The following ATR variants were observed in gnomAD, a reference collection of about 807,000 sequenced individuals.
The protein encoded by ATR is serine/threonine-protein kinase ATR.
Under a neutral mutation model 305.3 loss-of-function variants are expected in ATR, and 142 were observed. The ratio of observed to expected loss-of-function variants is 0.47; its 90% CI spans 0.41 to 0.53. The LOEUF is 0.53. Ranked by LOEUF, ATR falls within the 20% of genes least tolerant of loss-of-function variation. The probability of loss-of-function intolerance (pLI) is 0.00; values close to 1 mark genes in which losing one functional copy is unlikely to be tolerated. For synonymous variants in ATR, 1,050 were observed against 1,068.1 expected (o/e 0.98, Z 0.33); for missense variants, 2,135 against 3,133.1 (o/e 0.68, Z 7.60).
At position 142,562,395 on chromosome 3, in the gene ATR, C is replaced by T. The variant is rs754554657; in HGVS notation, c.1007G>A (p.Arg336Gln). 9.9e-6 allele frequency: 16 copies of T among 1,613,930 alleles called. No homozygotes were observed. The Middle Eastern group carries it at 9.9e-4, about 99-fold the overall frequency. The change falls in exon 4 of 47, where the codon CGG becomes CAG. Residue 336 changes from arginine to glutamine, a missense_variant. Arg to Gln is a conservative substitution (Grantham distance 43). Around this residue, in one of 9 missense-constraint regions of ATR, gnomAD observed 744 missense variants for 873.2 expected, o/e 0.85. Transcript: ENST00000350721. ...CVMFEDGVLM[R>Q]LKSDLLKAAL... ...TGCTTTTAGCAAATCAGACTTAAGCCGCATGAGCACACCGTCTTCAAACAT... is the reference window on the plus strand; with the variant it reads ...TGCTTTTAGCAAATCAGACTTAAGCTGCATGAGCACACCGTCTTCAAACAT...
At chr3:142,508,910 C>A (rs1304407584) in intron 27 of ATR, among the ~76,000 whole-genome samples, 8 of 114,898 alleles carry the variant, frequency 7.0e-5, no homozygotes, top group Admixed American at 1.2e-4. Context: ...GGTGACAGAG[C>A]GAGACTCCGT....
Position 142,562,745 on chromosome 3 carries a change from A to G in ATR, c.657T>C (p.Ile219=). 1 of 1,613,642 alleles carries G rather than the reference A, an allele frequency of 6.2e-7. No homozygotes were observed. The highest frequency in any genetic ancestry group is 1.7e-5 in the Admixed American group (1 of 59,936). The change falls in exon 4 of 47, where the codon ATT becomes ATC. Residue 219 remains isoleucine, a synonymous_variant. Coordinates refer to ENST00000350721, the MANE Select transcript of ATR (RefSeq NM_001184.4). Reference sequence around the variant, plus strand: ...AGAGTTCTTGCCTTCTAAAAAACACAATTGCAATAATACGAGTAAGAACCA... The same window carrying G: ...AGAGTTCTTGCCTTCTAAAAAACACGATTGCAATAATACGAGTAAGAACCA... The part of the protein sequence containing the change: ...LLMVLTRIIA[I]VFFRRQELLL...
At chr3:142,460,192 G>A (rs896875969) in intron 42 of ATR, among the ~76,000 whole-genome samples, 5 of 152,000 alleles carry the variant, frequency 3.3e-5, no homozygotes, top group South Asian at 2.1e-4. Context: ...ATAATCAGGC[G>A]TGTTAACAAT....
At position 142,509,909 on chromosome 3, in the gene ATR, A is replaced by G. The variant is rs1276248508; in HGVS notation, c.4853-1800T>C. Reference sequence around the variant, plus strand: ...GGCAGGTGGATCGCCTGAGCGCAGGAGTTTGGGACCACCCTGGGCAGTGTG... The same window carrying G: ...GGCAGGTGGATCGCCTGAGCGCAGGGGTTTGGGACCACCCTGGGCAGTGTG... On this transcript the variant is annotated intron_variant, in intron 27 of 46. Coordinates refer to ENST00000350721, the MANE Select transcript of ATR (RefSeq NM_001184.4). 2.6e-5 allele frequency among the ~76,000 whole-genome samples: 4 copies of G among 152,084 alleles called. No individual in the cohort carries two copies. The East Asian group carries it at 7.7e-4, about 29-fold the overall frequency.
intron 30 of ATR, among the ~76,000 whole-genome samples, chr3:142,502,670 C>G (rs528880988): frequency 1.1e-4 from 16 of 152,186 alleles, no homozygotes; most frequent in Non-Finnish European, 1.8e-4. Flanking sequence ...AGTCCAAAAA[C>G]AGTGGCCTGT....
chr3:142,562,445 A>G lies in ATR; in HGVS notation c.957T>C (p.Asn319=), dbSNP rs545005146. The change falls in exon 4 of 47, where the codon AAT becomes AAC. Residue 319 remains asparagine, a synonymous_variant. Transcript: ENST00000350721. The part of the protein sequence containing the change: ...AYRNIEPVYL[N]MLLEKLCVMF... Reference sequence around the variant, plus strand: ...TGACACAGAGTTTTTCCAGCAGCATATTTAAATAGACAGGTTCAATATTTC... The same window carrying G: ...TGACACAGAGTTTTTCCAGCAGCATGTTTAAATAGACAGGTTCAATATTTC... The G allele has an allele frequency of 6.2e-7, 1 of 1,614,166 alleles. No homozygotes were observed. Among genetic ancestry groups the G allele is most frequent in the South Asian group, 1.1e-5 (1 of 91,080 alleles).
At chr3:142,572,371 ACTTTT>A (rs1330937126) in intron 1 of ATR, among the ~76,000 whole-genome samples, 113 of 49,018 alleles carry the variant, frequency 2.3e-3, no homozygotes, top group African/African-American at 4.8e-3. Flanking sequence ...GCCCGGCCTG[ACTTTT>A]TTTTTTTTTT....
intron 46 of ATR, chr3:142,450,986 C>T (rs1180318455): frequency 8.2e-7 from 1 of 1,224,540 alleles, no homozygotes; most frequent in Non-Finnish European, 1.0e-6. Flanking sequence ...AAAATCAGAA[C>T]AACAAGCTGT....
At chr3:142,554,510 G>A (rs1029382652) in intron 10 of ATR, among the ~76,000 whole-genome samples, 13 of 152,146 alleles carry the variant, frequency 8.5e-5, no homozygotes, top group African/African-American at 1.9e-4. Context: ...TTAAAGGAGC[G>A]AACCACTGCA....
At chr3:142,531,362 G>T (rs982442318) in intron 21 of ATR, among the ~76,000 whole-genome samples, 3 of 151,696 alleles carry the variant, frequency 2.0e-5, no homozygotes, top group Non-Finnish European at 4.4e-5. Flanking sequence ...CCATTAACTC[G>T]TCATTTAACA....
intron 21 of ATR, among the ~76,000 whole-genome samples, chr3:142,527,693 T>A (rs1441419543): frequency 6.6e-6 from 1 of 152,228 alleles, no homozygotes; most frequent in African/African-American, 2.4e-5. Flanking sequence ...TCTTAAATAG[T>A]TTTAATAAAA....
intron 2 of ATR, 106 bp downstream of exon 2, chr3:142,567,957 A>C: frequency 1.1e-6 from 1 of 915,470 alleles, no homozygotes; most frequent in Admixed American, 2.8e-5. Context: ...AACTATCATA[A>C]ATACTCCATA....
intron 20 of ATR, 139 bp downstream of exon 20, chr3:142,535,969 T>C (rs1417347340): frequency 1.1e-5 from 7 of 650,022 alleles, no homozygotes; most frequent in African/African-American, 1.8e-5. Context: ...TAGCATTATC[T>C]ACTCACCAGG....
intron 16 of ATR, among the ~76,000 whole-genome samples, chr3:142,546,931 T>C (rs1342635738): frequency 6.6e-6 from 1 of 152,192 alleles, no homozygotes; most frequent in East Asian, 1.9e-4. Context: ...AATGAACTTA[T>C]GTCTAGTATT....
chr3:142,478,114 T>C (rs1405477382), intron 36 of ATR, among the ~76,000 whole-genome samples: 1 of 152,250 alleles, frequency 6.6e-6, no homozygotes, highest in Non-Finnish European at 1.5e-5. Context: ...ACCTAAGTTA[T>C]TTCTTGCCTT....
At chr3:142,452,607 G>C in intron 46 of ATR, 3 of 816,488 alleles carry the variant, frequency 3.7e-6, no homozygotes, top group Non-Finnish European at 4.5e-6. Flanking sequence ...CCAGGAGGCA[G>C]AGGTTGCCGT....
chr3:142,560,195 A>G, intron 6 of ATR, 68 bp downstream of exon 6: 4 of 1,462,728 alleles, frequency 2.7e-6, no homozygotes, highest in Non-Finnish European at 3.8e-6. Context: ...CAAGTGAATA[A>G]TGAGTAAACA....
chr3:142,477,044 G>C (rs1355484660), intron 36 of ATR, among the ~76,000 whole-genome samples: 1 of 152,088 alleles, frequency 6.6e-6, no homozygotes, highest in African/African-American at 2.4e-5. Flanking sequence ...CTGCAAACAG[G>C]GACAATTTGA....
intron 25 of ATR, among the ~76,000 whole-genome samples, chr3:142,514,222 G>A (rs1362870167): frequency 6.6e-6 from 1 of 151,850 alleles, no homozygotes; most frequent in Non-Finnish European, 1.5e-5. Flanking sequence ...GCAGTGAGCC[G>A]AGACTGCACT....
Sources: gnomAD v4.1 joint callset for allele counts (sites outside exome capture counted in the v4.1 genomes callset) on GRCh38, gnomAD v4.1.1 for gene constraint, gnomAD v4.1.1 regional missense constraint, MANE v1.5 for transcripts, NCBI Gene and HGNC (gene_info 2026-07-23, HGNC 2026-07-21) for gene names.